The following RANBP9 variants were observed in gnomAD, a reference collection of about 807,000 sequenced individuals.
The protein encoded by RANBP9 is ran-binding protein 9.
In RANBP9, 15 loss-of-function variants were observed where a neutral mutation model predicts 84.3. The ratio of observed to expected loss-of-function variants is 0.18; its 90% CI spans 0.12 to 0.27. The LOEUF (loss-of-function observed/expected upper bound fraction) is 0.27, where lower values mean the gene tolerates loss of function less well. RANBP9 is among the 10% of genes least tolerant of loss of function. The probability of loss-of-function intolerance (pLI) is 1.00; values close to 1 mark genes in which losing one functional copy is unlikely to be tolerated. For synonymous variants in RANBP9, 392 were observed against 349.6 expected (o/e 1.12, Z -1.35); for missense variants, 809 against 912.8 (o/e 0.89, Z 1.46).
At chr6:13,637,777 T>A (rs557571149) in intron 10 of RANBP9, 31 bp downstream of exon 10, 1 of 1,534,096 alleles carries the variant, frequency 6.5e-7, no homozygotes, top group African/African-American at 1.4e-5. Context: ...AGGTTGCTTA[T>A]ATTAGTGCAA....
intron 1 of RANBP9, among the ~76,000 whole-genome samples, chr6:13,706,323 AAC>A (rs1221157567): frequency 6.6e-6 from 1 of 152,050 alleles, no homozygotes; most frequent in Non-Finnish European, 1.5e-5. Flanking sequence ...CAGCCTGGGC[AAC>A]AGAGCAAGAC....
chr6:13,653,703 GACAA>G (rs1765342228), intron 4 of RANBP9, among the ~76,000 whole-genome samples: 1 of 151,956 alleles, frequency 6.6e-6, no homozygotes, highest in African/African-American at 2.4e-5. Flanking sequence ...AAAGTTAAAA[GACAA>G]ACTGAAAATA....
Position 13,622,071 on chromosome 6 carries a change from G to C in RANBP9, c.*291C>G, listed in dbSNP as rs970866871. ...CCCCACAAAGAAGGCAGGATTTTTG[G>C]TTTCTTTTAGGTAATTGTTTTAAAG... On this transcript the variant is annotated 3_prime_UTR_variant, in exon 14 of 14. Coordinates refer to ENST00000011619, the MANE Select transcript of RANBP9 (RefSeq NM_005493.3). 2 of 189,922 alleles carry C rather than the reference G, an allele frequency of 1.1e-5. No homozygotes were observed. Among genetic ancestry groups the C allele is most frequent in the Admixed American group, 6.2e-5 (1 of 16,204 alleles). 11.8% of individuals were successfully genotyped at this position (189,922 alleles called of 1,614,324 possible).
At chr6:13,625,568 C>T in intron 13 of RANBP9, 85 bp downstream of exon 13, 2 of 806,670 alleles carry the variant, frequency 2.5e-6, no homozygotes, top group South Asian at 4.3e-5. Context: ...GATGATTTTA[C>T]CAAAGTGTAA....
At position 13,622,297 on chromosome 6, in the gene RANBP9, A is replaced by G. The variant is rs997408402; in HGVS notation, c.*65T>C. The G allele has an allele frequency of 8.0e-6, 11 of 1,366,664 alleles. No individual in the cohort carries two copies. In the African/African-American group the frequency reaches 1.6e-4, roughly 20 times the overall value. 84.7% of individuals were successfully genotyped at this position (1,366,664 alleles called of 1,614,324 possible). On this transcript the variant is annotated 3_prime_UTR_variant, in exon 14 of 14. Transcript: ENST00000011619. ...TAAAAAATCTAAATTTCAAATCAGC[A>G]GAGCTGGTCTACTTCCATGTTGACT...
At chr6:13,675,300 A>C (rs1004847570) in intron 2 of RANBP9, among the ~76,000 whole-genome samples, 10 of 152,258 alleles carry the variant, frequency 6.6e-5, no homozygotes, top group African/African-American at 2.4e-4. Flanking sequence ...AAAGTCATAC[A>C]AACTATGCTC....
chr6:13,702,241 G>A (rs1419281907), intron 1 of RANBP9, among the ~76,000 whole-genome samples: 2 of 152,062 alleles, frequency 1.3e-5, no homozygotes, highest in East Asian at 1.9e-4. Context: ...TCAGGAGTTC[G>A]AGACCAGCCT....
chr6:13,699,402 G>T (rs929763330), intron 1 of RANBP9, among the ~76,000 whole-genome samples: 2 of 152,106 alleles, frequency 1.3e-5, no homozygotes, highest in Admixed American at 1.3e-4. Context: ...AGATTATAAG[G>T]TTTCATATTA....
chr6:13,670,623 C>A (rs536152404), intron 2 of RANBP9, among the ~76,000 whole-genome samples: 2 of 151,784 alleles, frequency 1.3e-5, no homozygotes, highest in African/African-American at 4.8e-5. Context: ...GGTGAAACCC[C>A]GTCTCTACCA....
chr6:13,643,435 A>G (rs553458007), intron 6 of RANBP9, among the ~76,000 whole-genome samples: 1 of 152,232 alleles, frequency 6.6e-6, no homozygotes, highest in Non-Finnish European at 1.5e-5. Context: ...CGTGGGAAGC[A>G]GTGGTTCACC....
intron 1 of RANBP9, among the ~76,000 whole-genome samples, chr6:13,708,824 C>CACACACACACAA (rs1468996845): frequency 6.7e-6 from 1 of 150,304 alleles, no homozygotes; most frequent in Non-Finnish European, 1.5e-5. Context: ...AAAACTCACA[C>CACACACACACAA]ACACACACAC....
chr6:13,624,671 C>G (rs1345062696), intron 13 of RANBP9, among the ~76,000 whole-genome samples: 1 of 152,152 alleles, frequency 6.6e-6, no homozygotes, highest in African/African-American at 2.4e-5. Flanking sequence ...TAATCACAAA[C>G]GCTACAGTGA....
chr6:13,697,252 T>C lies in RANBP9; in HGVS notation c.572-356A>G, dbSNP rs75307851. Among the ~76,000 whole-genome samples, 243 of 152,336 alleles carry C rather than the reference T, an allele frequency of 1.6e-3. 6 individuals carry two copies. The East Asian group carries it at 0.042, about 26-fold the overall frequency. On this transcript the variant is annotated intron_variant, in intron 1 of 13. Transcript: ENST00000011619. ...ACATGAGAGAAAGATCTCAATTTTATCAGGTCTAAATTTGCATATAACTTA... is the reference window on the plus strand; with the variant it reads ...ACATGAGAGAAAGATCTCAATTTTACCAGGTCTAAATTTGCATATAACTTA...
At chr6:13,642,695 C>G (rs916830992) in intron 6 of RANBP9, 104 bp from the exon 7 acceptor site, 52 of 670,692 alleles carry the variant, frequency 7.8e-5, no homozygotes, top group Non-Finnish European at 1.2e-4. Flanking sequence ...AAAAACGAAC[C>G]TATTTCCTTG....
chr6:13,710,543 G>GACCC (rs1264983428), intron 1 of RANBP9, among the ~76,000 whole-genome samples: 2 of 152,018 alleles, frequency 1.3e-5, no homozygotes, highest in African/African-American at 4.8e-5. Context: ...GAGAACGCCT[G>GACCC]ACCCACCACC....
intron 1 of RANBP9, among the ~76,000 whole-genome samples, chr6:13,705,688 CCTCT>C (rs962020148): frequency 6.6e-6 from 1 of 151,126 alleles, no homozygotes; most frequent in African/African-American, 2.4e-5. Flanking sequence ...GGTGAAACCC[CCTCT>C]CTATTAAAAA....
intron 13 of RANBP9, 130 bp downstream of exon 13, chr6:13,625,523 T>A (rs1584905922): frequency 5.6e-6 from 3 of 533,728 alleles, no homozygotes; most frequent in Non-Finnish European, 9.8e-6. Flanking sequence ...ATTTTAGGTA[T>A]TTTTATATTT....
At chr6:13,684,823 G>A (rs747677457) in intron 2 of RANBP9, among the ~76,000 whole-genome samples, 1 of 152,188 alleles carries the variant, frequency 6.6e-6, no homozygotes, top group Admixed American at 6.5e-5. Flanking sequence ...GTTAACAGAG[G>A]AGCCTCATCT....
rs35401168 is a variant in RANBP9 at position 13,627,630 on chromosome 6, C to CAAAAAAAAAAAAAAAAAA, written c.1948-1884_1948-1867dup. 1.7e-4 allele frequency among the ~76,000 whole-genome samples: 11 copies of CAAAAAAAAAAAAAAAAAA among 66,406 alleles called. No homozygotes were observed. The East Asian group carries it at 2.3e-3, about 14-fold the overall frequency. The allele number at this position is 66,406 out of a possible 152,430, so 43.6% of individuals were successfully genotyped here. The stretch of plus-strand genomic sequence containing the variant: ...GGACGACAGAGAGAGACTCCATCTC[C>CAAAAAAAAAAAAAAAAAA]AAAAAAAAAAAAAAAAAAAAAAAAT... On this transcript the variant is annotated intron_variant, in intron 12 of 13. Coordinates refer to ENST00000011619, the MANE Select transcript of RANBP9 (RefSeq NM_005493.3).
Sources: gnomAD v4.1 joint callset for allele counts (sites outside exome capture counted in the v4.1 genomes callset) on GRCh38, gnomAD v4.1.1 for gene constraint, MANE v1.5 for transcripts, NCBI Gene and HGNC (gene_info 2026-07-23, HGNC 2026-07-21) for gene names.